Variants in EDIL3 observed in about 807,000 individuals in gnomAD.
EDIL3 encodes EGF like and discoidin domains 3.
EDIL3 carries 37 observed loss-of-function variants against 67.4 expected under a neutral mutation model. The ratio of observed to expected loss-of-function variants is 0.55; its 90% CI spans 0.42 to 0.72. The LOEUF (loss-of-function observed/expected upper bound fraction) is 0.72, where lower values mean the gene tolerates loss of function less well. EDIL3 is among the 30% of genes least tolerant of loss of function. The probability of loss-of-function intolerance (pLI) is 0.00; values close to 1 mark genes in which losing one functional copy is unlikely to be tolerated. For synonymous variants in EDIL3, 195 were observed against 196.3 expected (o/e 0.99, Z 0.05); for missense variants, 527 against 586.3 (o/e 0.90, Z 1.04).
intron 9 of EDIL3, among the ~76,000 whole-genome samples, chr5:83,980,889 T>C (rs1218864355): frequency 6.6e-6 from 1 of 151,608 alleles, no homozygotes; most frequent in Non-Finnish European, 1.5e-5. Context: ...CAATTCTACT[T>C]ACAGTACCAC....
In EDIL3 at chr5:84,384,328, C is replaced by T; in HGVS notation, c.47G>A (p.Gly16Asp). The T allele has an allele frequency of 6.2e-7, 1 of 1,611,440 alleles. No homozygotes were observed. The highest frequency in any genetic ancestry group is 8.5e-7 in the Non-Finnish European group (1 of 1,178,906). ...CTTACCTTTGCCGAACTGGGGGACA[C>T]CGAGGCTGAGCCCGACCAAGAGCCA... ...AVWLLVGLSLGVPQFGKGDIC... is the reference protein window; with the variant it reads ...AVWLLVGLSLDVPQFGKGDIC... Residue 16 changes from glycine (G) to aspartate (D), a missense_variant, in exon 1 of 11, where the codon GGT becomes GAT. Gly to Asp is a moderately conservative substitution (Grantham distance 94, BLOSUM62 -1). This residue lies in a region of EDIL3 where 494 missense variants were observed against 522.5 expected (regional missense o/e 0.95). Coordinates refer to ENST00000296591, the MANE Select transcript of EDIL3 (RefSeq NM_005711.5).
chr5:84,172,172 A>G (rs1443045399), intron 4 of EDIL3, among the ~76,000 whole-genome samples: 1 of 152,208 alleles, frequency 6.6e-6, no homozygotes, highest in Non-Finnish European at 1.5e-5. Context: ...AAAATCTTCT[A>G]GGGTTGGAGA....
At chr5:84,291,665 T>G (rs543261818) in intron 1 of EDIL3, among the ~76,000 whole-genome samples, 24 of 141,668 alleles carry the variant, frequency 1.7e-4, no homozygotes, top group Middle Eastern at 3.9e-3. Context: ...TATATCTATA[T>G]ATATATCTAT....
intron 1 of EDIL3, among the ~76,000 whole-genome samples, chr5:84,382,534 A>G (rs979394386): frequency 1.3e-5 from 2 of 152,056 alleles, no homozygotes; most frequent in Non-Finnish European, 2.9e-5. Context: ...AATGCGAGTG[A>G]GTGGGTGAGT....
At chr5:84,286,489 G>A (rs528060410) in intron 1 of EDIL3, among the ~76,000 whole-genome samples, 2 of 152,256 alleles carry the variant, frequency 1.3e-5, no homozygotes, top group Admixed American at 1.3e-4. Context: ...CTATACTGAA[G>A]GAATTCAGTA....
chr5:84,224,175 A>G (rs996086009), intron 3 of EDIL3, among the ~76,000 whole-genome samples: 2 of 151,532 alleles, frequency 1.3e-5, no homozygotes, highest in Non-Finnish European at 3.0e-5. Context: ...TAGCTGCAAG[A>G]TCTCTACTGT....
chr5:84,209,325 T>C (rs1247016163), intron 3 of EDIL3, among the ~76,000 whole-genome samples: 2 of 152,006 alleles, frequency 1.3e-5, no homozygotes, highest in Non-Finnish European at 2.9e-5. Flanking sequence ...TGTATACATA[T>C]GTAACTAACC....
chr5:83,968,402 C>CA (rs1298460072), intron 9 of EDIL3, among the ~76,000 whole-genome samples: 7 of 151,968 alleles, frequency 4.6e-5, no homozygotes, highest in Admixed American at 1.3e-4. Context: ...CTTAACATAG[C>CA]AATTGCTTTT....
chr5:83,975,356 T>C (rs1035141815), intron 9 of EDIL3, among the ~76,000 whole-genome samples: 3 of 152,024 alleles, frequency 2.0e-5, no homozygotes, highest in African/African-American at 7.2e-5. Flanking sequence ...TCTATTACTA[T>C]AAAATAGCTC....
intron 1 of EDIL3, among the ~76,000 whole-genome samples, chr5:84,340,301 G>A (rs938928123): frequency 6.6e-6 from 1 of 151,680 alleles, no homozygotes. Flanking sequence ...AGCTCTGCCA[G>A]TTATAAGCTC....
chr5:84,203,395 C>T (rs1027388821), intron 3 of EDIL3, among the ~76,000 whole-genome samples: 1 of 151,920 alleles, frequency 6.6e-6, no homozygotes, highest in African/African-American at 2.4e-5. Context: ...CAAAGATGAC[C>T]CAACTGATGT....
intron 1 of EDIL3, among the ~76,000 whole-genome samples, chr5:84,330,120 CAAAT>C (rs1234494098): frequency 6.6e-6 from 1 of 151,680 alleles, no homozygotes; most frequent in African/African-American, 2.4e-5. Flanking sequence ...ATATAACCCT[CAAAT>C]AACCAATTCA....
chr5:83,966,839 A>G (rs150935119), intron 9 of EDIL3, among the ~76,000 whole-genome samples: 16 of 152,246 alleles, frequency 1.1e-4, no homozygotes, highest in African/African-American at 3.8e-4. Flanking sequence ...ATGTTTCAGA[A>G]TATCTTGTTA....
chr5:84,363,364 C>T (rs539000034), intron 1 of EDIL3, among the ~76,000 whole-genome samples: 13 of 150,958 alleles, frequency 8.6e-5, no homozygotes, highest in Admixed American at 6.6e-4. Flanking sequence ...GCAGGAGAAT[C>T]GCTTGAACTC....
At chr5:84,278,319 A>T (rs1418179095) in intron 1 of EDIL3, among the ~76,000 whole-genome samples, 1 of 152,226 alleles carries the variant, frequency 6.6e-6, no homozygotes, top group Non-Finnish European at 1.5e-5. Flanking sequence ...AACTAAATAT[A>T]GCAGATGAAC....
chr5:84,078,308 G>A (rs1746900976), intron 6 of EDIL3, among the ~76,000 whole-genome samples: 1 of 152,138 alleles, frequency 6.6e-6, no homozygotes, highest in African/African-American at 2.4e-5. Context: ...GTGTGTGTGT[G>A]TGAGCTCTCA....
intron 3 of EDIL3, among the ~76,000 whole-genome samples, chr5:84,217,518 G>A (rs1394667613): frequency 6.6e-6 from 1 of 152,080 alleles, no homozygotes. Flanking sequence ...TGATAATAGA[G>A]TTGGGTCTCA....
chr5:84,230,650 G>A (rs765287587), intron 2 of EDIL3, among the ~76,000 whole-genome samples: 17 of 151,910 alleles, frequency 1.1e-4, no homozygotes, highest in Non-Finnish European at 2.4e-4. Context: ...CAGGTGATCC[G>A]CCTGCCTGGG....
intron 4 of EDIL3, among the ~76,000 whole-genome samples, chr5:84,173,803 C>T (rs554599183): frequency 1.0e-3 from 156 of 152,274 alleles, no homozygotes; most frequent in African/African-American, 3.3e-3. Context: ...GATGTCCCCA[C>T]GTGGCCTTTG....
Sources: allele counts gnomAD v4.1 joint callset (sites outside exome capture counted in the v4.1 genomes callset), GRCh38; gene constraint gnomAD v4.1.1; regional missense constraint gnomAD v4.1.1; transcripts MANE v1.5; gene names NCBI Gene and HGNC (gene_info 2026-07-23, HGNC 2026-07-21).